The following PCDH7 variants were observed in gnomAD, a reference collection of about 807,000 sequenced individuals.
The protein encoded by PCDH7 is protocadherin-7.
Under a neutral mutation model 58.9 loss-of-function variants are expected in PCDH7, and 17 were observed. The ratio of observed to expected loss-of-function variants is 0.29; its 90% confidence interval spans 0.20 to 0.43. PCDH7 has a LOEUF of 0.43. Ranked by LOEUF, PCDH7 falls within the 20% of genes least tolerant of loss-of-function variation. PCDH7 has a pLI of 1.00. For missense variants in PCDH7, 1,274 were observed against 1,441.0 expected (o/e 0.88, Z 1.88); for synonymous variants, 664 against 616.4 (o/e 1.08, Z -1.14).
intron 3 of PCDH7, among the ~76,000 whole-genome samples, chr4:30,974,373 C>G (rs1749881012): frequency 6.6e-6 from 1 of 151,634 alleles, no homozygotes; most frequent in African/African-American, 2.4e-5. Flanking sequence ...TCCCCACTAA[C>G]CATGAAAGGT....
Position 30,889,727 on chromosome 4 carries a change from C to T in PCDH7, c.71-30426C>T, listed in dbSNP as rs77374218. Among the ~76,000 whole-genome samples, 851 of 152,188 alleles carry T rather than the reference C, an allele frequency of 5.6e-3. 6 individuals carry two copies. Among genetic ancestry groups the T allele is most frequent in the Middle Eastern group, 0.014 (4 of 294 alleles). On this transcript the variant is annotated intron_variant, in intron 1 of 3. Coordinates refer to the PCDH7 transcript ENST00000509759. ...GTCTCATATGGTGTAAGGAGCAAGG[C>T]GGCTCCCTTGTGCCTCTTTTATAAG...
chr4:30,970,725 A>G (rs1749512774), intron 3 of PCDH7, among the ~76,000 whole-genome samples: 1 of 152,222 alleles, frequency 6.6e-6, no homozygotes, highest in African/African-American at 2.4e-5. Flanking sequence ...TTTACAGAAT[A>G]CATCACTAAT....
At chr4:30,861,239 T>A in intron 1 of PCDH7, among the ~76,000 whole-genome samples, 1 of 152,114 alleles carries the variant, frequency 6.6e-6, no homozygotes, top group East Asian at 1.9e-4. Context: ...CTTGAGTTGT[T>A]TTTCCGGTAG....
chr4:31,097,510 G>A lies in PCDH7; in HGVS notation c.*8-44963G>A, dbSNP rs199589289. Among the ~76,000 whole-genome samples, 61 of 99,238 alleles carry A rather than the reference G, an allele frequency of 6.1e-4. 1 individual carries two copies. Among genetic ancestry groups the A allele is most frequent in the East Asian group, 2.0e-3 (8 of 4,060 alleles). The allele number at this position is 99,238 out of a possible 152,430, so 65.1% of individuals were successfully genotyped here. A position where few individuals can be genotyped will look rare whatever the true frequency, so the allele number is the denominator to read the frequency against. On this transcript the variant is annotated intron_variant, in intron 3 of 3. Coordinates refer to the PCDH7 transcript ENST00000509759. ...AAAGAAAAAAAGAAAGAAAGAAAGA[G>A]AGAAAGAAAGAAGAAAGAAAGAAAG...
intron 3 of PCDH7, among the ~76,000 whole-genome samples, chr4:31,136,121 T>A (rs1719567447): frequency 6.6e-6 from 1 of 152,256 alleles, no homozygotes. Flanking sequence ...ACCTGGCTAC[T>A]GAGCCTGTTC....
At chr4:30,876,015 A>G (rs796333491) in intron 1 of PCDH7, among the ~76,000 whole-genome samples, 47 of 152,112 alleles carry the variant, frequency 3.1e-4, no homozygotes, top group African/African-American at 1.1e-3. Context: ...AGTATTTGTT[A>G]ACTGTAACCA....
chr4:30,906,690 T>C (rs942910740), intron 1 of PCDH7, among the ~76,000 whole-genome samples: 3 of 152,198 alleles, frequency 2.0e-5, no homozygotes, highest in Non-Finnish European at 4.4e-5. Flanking sequence ...AGTGCTGTTA[T>C]ATAGCATCTT....
chr4:30,824,081 T>C lies in PCDH7; in HGVS notation c.71-96072T>C, dbSNP rs7669608. On this transcript the variant is annotated intron_variant, in intron 1 of 3. Transcript: ENST00000509759. ...GTCTGTAATTAAAGCGGGGTTTCTTTTCTTTCTTTCTTTCTTTCTTTCTTT... is the reference window on the plus strand; with the variant it reads ...GTCTGTAATTAAAGCGGGGTTTCTTCTCTTTCTTTCTTTCTTTCTTTCTTT... Among the ~76,000 whole-genome samples the C allele has an allele frequency of 2.3e-3, 25 of 10,666 alleles. 1 individual carries two copies. The highest frequency in any genetic ancestry group is 0.011 in the African/African-American group (23 of 2,050). 7.0% of individuals were successfully genotyped at this position (10,666 alleles called of 152,430 possible).
At chr4:30,964,028 A>G (rs1351190848) in intron 3 of PCDH7, among the ~76,000 whole-genome samples, 2 of 152,146 alleles carry the variant, frequency 1.3e-5, no homozygotes, top group Non-Finnish European at 2.9e-5. Context: ...AATACATATA[A>G]TTTGGCTTTG....
chr4:30,961,691 G>T (rs951401829), intron 3 of PCDH7, among the ~76,000 whole-genome samples: 1 of 152,024 alleles, frequency 6.6e-6, no homozygotes, highest in Non-Finnish European at 1.5e-5. Flanking sequence ...ATGCAATATT[G>T]GTGTTTGCTT....
rs1180716642 is a variant in PCDH7, at chr4:30,775,883, T to C, written c.70+51287T>C. The stretch of plus-strand genomic sequence containing the variant: ...CTGCACTGCAGCCTGGGTGACAGAG[T>C]GAAACTCCATTGCAAAAAAAAAAGA... On this transcript the variant is annotated intron_variant, in intron 1 of 3. Transcript: ENST00000509759. 2.6e-5 allele frequency among the ~76,000 whole-genome samples: 4 copies of C among 151,608 alleles called. No individual in the cohort carries two copies. In the East Asian group the frequency reaches 7.8e-4, roughly 29 times the overall value.
chr4:30,954,741 C>A (rs1170122461), intron 3 of PCDH7, among the ~76,000 whole-genome samples: 1 of 152,084 alleles, frequency 6.6e-6, no homozygotes, highest in African/African-American at 2.4e-5. Context: ...GGGATTTGGA[C>A]TAGTTCATTT....
downstream of PCDH7, among the ~76,000 whole-genome samples, chr4:30,734,119 C>G (rs1715908048): frequency 6.6e-6 from 1 of 152,036 alleles, no homozygotes; most frequent in African/African-American, 2.4e-5. Flanking sequence ...AGCAATTCCA[C>G]AGTTGGAAAT....
chr4:30,991,353 A>G (rs1404686078), intron 3 of PCDH7, among the ~76,000 whole-genome samples: 1 of 152,228 alleles, frequency 6.6e-6, no homozygotes, highest in Non-Finnish European at 1.5e-5. Flanking sequence ...AATGACAAAC[A>G]GTTCATCTTC....
downstream of PCDH7, among the ~76,000 whole-genome samples, chr4:30,736,535 A>ATTTTTTTTTTTTTTTTTTTTTTCTTTTTT (rs35719962): frequency 7.4e-6 from 1 of 134,576 alleles, no homozygotes; most frequent in African/African-American, 3.0e-5. Context: ...ATTTTCATTT[A>ATTTTTTTTTTTTTTTTTTTTTTCTTTTTT]TTTTTTTTTT....
At chr4:31,110,750 C>T (rs1716188058) in intron 3 of PCDH7, among the ~76,000 whole-genome samples, 1 of 151,812 alleles carries the variant, frequency 6.6e-6, no homozygotes. Context: ...TCTATCTATA[C>T]TAAAAATACA....
intron 3 of PCDH7, among the ~76,000 whole-genome samples, chr4:31,129,207 G>C (rs536840090): frequency 7.9e-5 from 12 of 152,254 alleles, no homozygotes; most frequent in African/African-American, 2.6e-4. Context: ...CATATGAATA[G>C]GTAGCAGACT....
At chr4:31,039,999 C>T (rs1755722885) in intron 3 of PCDH7, among the ~76,000 whole-genome samples, 1 of 152,112 alleles carries the variant, frequency 6.6e-6, no homozygotes, top group Non-Finnish European at 1.5e-5. Flanking sequence ...GAAAGGGGTT[C>T]CAAGATGATA....
At chr4:30,988,925 G>A (rs541587121) in intron 3 of PCDH7, among the ~76,000 whole-genome samples, 18 of 152,254 alleles carry the variant, frequency 1.2e-4, no homozygotes, top group African/African-American at 4.1e-4. Flanking sequence ...AATCATTCAA[G>A]ATTTTTAGAA....
Sources: gnomAD v4.1 joint callset for allele counts (sites outside exome capture counted in the v4.1 genomes callset) on GRCh38, gnomAD v4.1.1 for gene constraint, MANE v1.5 for transcripts, NCBI Gene and HGNC (gene_info 2026-07-23, HGNC 2026-07-21) for gene names.